The following KIF13B variants were observed in gnomAD, a reference collection of about 807,000 sequenced individuals.
KIF13B encodes kinesin family member 13B, also known as kinesin-like protein KIF13B.
A neutral mutation model predicts 222.0 loss-of-function variants in KIF13B; 127 were observed. That is an observed-to-expected ratio of 0.57 (90% confidence interval 0.50 to 0.66). The LOEUF is 0.66. Ranked by LOEUF, KIF13B falls within the 30% of genes least tolerant of loss-of-function variation. The pLI, the probability that KIF13B is intolerant of heterozygous loss-of-function variation, is 0.00. For synonymous variants in KIF13B, 976 were observed against 919.0 expected, an observed-to-expected ratio of 1.06 and a Z score of -1.12; for missense variants, 2,173 against 2,379.0, an observed-to-expected ratio of 0.91 and a Z score of 1.80.
Position 29,262,971 on chromosome 8 carries a change from G to A in KIF13B, c.55+9C>T, listed in dbSNP as rs1030315485. On this transcript the variant is annotated intron_variant, in intron 1 of 39. Coordinates refer to ENST00000524189, the MANE Select transcript of KIF13B (RefSeq NM_015254.4). ...CCGCCCCGGCGGCCCAGGAGGGCTCGGCTCTCACCTCGCCGGTTCATGGGT... is the reference window on the plus strand; with the variant it reads ...CCGCCCCGGCGGCCCAGGAGGGCTCAGCTCTCACCTCGCCGGTTCATGGGT... 3 of 1,584,004 alleles carry A rather than the reference G, an allele frequency of 1.9e-6. No individual in the cohort carries two copies. Among genetic ancestry groups the A allele is most frequent in the South Asian group, 1.2e-5 (1 of 86,594 alleles).
chr8:29,091,843 A>G (rs1166056063), intron 37 of KIF13B, among the ~76,000 whole-genome samples: 1 of 152,228 alleles, frequency 6.6e-6, no homozygotes, highest in Non-Finnish European at 1.5e-5. Flanking sequence ...TAATTGTTTC[A>G]TCTACTGTAT....
chr8:29,104,545 A>G (rs910018661), intron 35 of KIF13B, among the ~76,000 whole-genome samples: 1 of 152,162 alleles, frequency 6.6e-6, no homozygotes, highest in Non-Finnish European at 1.5e-5. Context: ...TACACACCAC[A>G]GCTAGGGACG....
intron 2 of KIF13B, among the ~76,000 whole-genome samples, chr8:29,200,647 A>C (rs1813653405): frequency 1.3e-5 from 2 of 152,176 alleles, no homozygotes; most frequent in Non-Finnish European, 2.9e-5. Flanking sequence ...TAACCTATAG[A>C]CAACCTCCTC....
chr8:29,137,092 G>A lies in KIF13B; in HGVS notation c.2614-2882C>T, dbSNP rs183342558. 1.6e-4 allele frequency among the ~76,000 whole-genome samples: 24 copies of A among 152,230 alleles called. No homozygotes were observed. The East Asian group carries it at 3.7e-3, about 23-fold the overall frequency. ...TGGGATTACAGACGTGAGCCGCCGC[G>A]CCCGGCCCTGTGACAGGTATTGAGT... On this transcript the variant is annotated intron_variant, in intron 21 of 39. Transcript: ENST00000524189.
chr8:29,130,773 A>G, intron 23 of KIF13B, 108 bp from the exon 24 acceptor site: 1 of 963,574 alleles, frequency 1.0e-6, no homozygotes, highest in Non-Finnish European at 1.6e-6. Flanking sequence ...CTCCAAACAG[A>G]GTAATTCAGA....
At chr8:29,244,376 C>T (rs1275603007) in intron 2 of KIF13B, among the ~76,000 whole-genome samples, 3 of 152,164 alleles carry the variant, frequency 2.0e-5, no homozygotes, top group Non-Finnish European at 2.9e-5. Context: ...CCAAATACAG[C>T]GCTGGTTCTA....
At chr8:29,150,509 T>G in intron 14 of KIF13B, 126 bp from the exon 15 acceptor site, 1 of 577,102 alleles carries the variant, frequency 1.7e-6, no homozygotes, top group Non-Finnish European at 3.1e-6. Flanking sequence ...AACCTGTTCT[T>G]GGTGAATTTT....
At chr8:29,088,136 G>T (rs905797555) in intron 37 of KIF13B, among the ~76,000 whole-genome samples, 1 of 151,576 alleles carries the variant, frequency 6.6e-6, no homozygotes, top group African/African-American at 2.4e-5. Context: ...CATGGTGGCG[G>T]GCGCCTGTAA....
rs1036718047 is a variant in KIF13B, at chr8:29,070,907, C to T, written c.5219-141G>A. On this transcript the variant is annotated intron_variant, in intron 39 of 39. Coordinates refer to ENST00000524189, the MANE Select transcript of KIF13B (RefSeq NM_015254.4). The surrounding 1 kb of genome is among the most constrained non-coding windows in gnomAD (Gnocchi z 4.1). ...TACACAGCCAGCACTCGGACACTGG[C>T]CATTGTCTGGCAGGGACTGGCTAAA... The T allele has an allele frequency of 3.2e-6, 3 of 943,072 alleles. No individual in the cohort carries two copies. In the African/African-American group the frequency reaches 5.1e-5, roughly 16 times the overall value. The allele number at this position is 943,072 out of a possible 1,614,324, so 58.4% of individuals were successfully genotyped here. A position where few individuals can be genotyped will look rare whatever the true frequency, so the allele number is the denominator to read the frequency against.
At chr8:29,220,695 A>C (rs1319173153) in intron 2 of KIF13B, among the ~76,000 whole-genome samples, 4 of 152,166 alleles carry the variant, frequency 2.6e-5, no homozygotes, top group Admixed American at 6.5e-5. Flanking sequence ...ATACACACCA[A>C]TGTCAACTTA....
chr8:29,255,959 G>T (rs577904220), intron 1 of KIF13B, among the ~76,000 whole-genome samples: 1 of 151,958 alleles, frequency 6.6e-6, no homozygotes, highest in Non-Finnish European at 1.5e-5. Flanking sequence ...CACACCTGAG[G>T]TGCTCTATCT....
intron 2 of KIF13B, among the ~76,000 whole-genome samples, chr8:29,215,103 A>G (rs185131037): frequency 2.0e-5 from 3 of 152,198 alleles, no homozygotes; most frequent in African/African-American, 7.2e-5. Flanking sequence ...GAGTTGCATT[A>G]TGTTTGTTTC....
intron 14 of KIF13B, among the ~76,000 whole-genome samples, chr8:29,150,628 A>AT (rs1811255655): frequency 6.6e-6 from 1 of 152,128 alleles, no homozygotes; most frequent in Non-Finnish European, 1.5e-5. Flanking sequence ...CAGATATCAC[A>AT]TTTTTTACAA....
At chr8:29,148,530 C>A in intron 16 of KIF13B, 47 bp downstream of exon 16, 1 of 1,441,836 alleles carries the variant, frequency 6.9e-7, no homozygotes, top group South Asian at 1.4e-5. Flanking sequence ...CCACCTCAGC[C>A]TCTACCAACT....
intron 35 of KIF13B, among the ~76,000 whole-genome samples, chr8:29,106,632 C>CAAAAAA (rs71222590): frequency 1.8e-5 from 1 of 56,470 alleles, no homozygotes. Flanking sequence ...AACTCTGTCT[C>CAAAAAA]AAAAAAAAAA....
rs1354948821 is a variant in KIF13B at position 29,070,793 on chromosome 8, G to A, written c.5219-27C>T. The A allele has an allele frequency of 4.4e-6, 7 of 1,577,554 alleles. No homozygotes were observed. The highest frequency in any genetic ancestry group is 6.0e-6 in the Non-Finnish European group (7 of 1,162,570). ...TGCGGGGGAAGGAGAGGGTGATATG[G>A]AGGGCAGCCGAGCTGCAGACGGCCC... On this transcript the variant is annotated intron_variant, in intron 39 of 39. Transcript: ENST00000524189. The surrounding 1 kb of genome is among the most constrained non-coding windows in gnomAD (Gnocchi z 4.1).
chr8:29,202,436 G>A (rs1176499720), intron 2 of KIF13B, among the ~76,000 whole-genome samples: 1 of 152,076 alleles, frequency 6.6e-6, no homozygotes, highest in East Asian at 1.9e-4. Context: ...TTCTGCCTCA[G>A]CCTCCCAAGT....
At chr8:29,130,457 A>T (rs1329912302) in intron 24 of KIF13B, 76 bp downstream of exon 24, 1 of 1,445,332 alleles carries the variant, frequency 6.9e-7, no homozygotes, top group African/African-American at 1.4e-5. Flanking sequence ...TATTGCCAAC[A>T]TTTCCACTAA....
rs1487989373 is a variant in KIF13B at position 29,070,405 on chromosome 8, G to A, written c.*99C>T. ...AAAAAGCATTCATCGCCCTGCCCCT[G>A]GGGAAGGGGCCACCGGGCTCCTGGC... is the stretch of plus-strand genomic sequence containing the variant. On this transcript the variant is annotated 3_prime_UTR_variant, in exon 40 of 40. Coordinates refer to ENST00000524189, the MANE Select transcript of KIF13B (RefSeq NM_015254.4). This position sits in a 1 kb window ranked among gnomAD's most constrained non-coding sequence, Gnocchi z 4.1. The A allele has an allele frequency of 5.9e-6, 8 of 1,362,412 alleles. No homozygotes were observed. Among genetic ancestry groups the A allele is most frequent in the Non-Finnish European group, 8.1e-6 (8 of 987,582 alleles). 84.4% of individuals were successfully genotyped at this position (1,362,412 alleles called of 1,614,324 possible).
Sources: gnomAD v4.1 joint callset for allele counts (sites outside exome capture counted in the v4.1 genomes callset) on GRCh38, gnomAD v4.1.1 for gene constraint, Gnocchi (gnomAD v3.1) non-coding constraint, MANE v1.5 for transcripts, NCBI Gene and HGNC (gene_info 2026-07-23, HGNC 2026-07-21) for gene names.